Variants in LIN52 observed in about 807,000 individuals in gnomAD.
LIN52 encodes the protein lin-52 DREAM MuvB core complex component, also known as protein lin-52 homolog.
In LIN52, 4 loss-of-function variants were observed where a neutral mutation model predicts 18.5. That is an observed-to-expected ratio of 0.22 (90% CI 0.11 to 0.49). The LOEUF is 0.49. Ranked by LOEUF, LIN52 falls within the 20% of genes least tolerant of loss-of-function variation. LIN52 has a pLI of 0.97. For missense variants in LIN52, 102 were observed against 139.5 expected, an observed-to-expected ratio of 0.73 and a Z score of 1.35; for synonymous variants, 34 against 45.5, an observed-to-expected ratio of 0.75 and a Z score of 1.02.
intron 5 of LIN52, among the ~76,000 whole-genome samples, chr14:74,191,915 G>A (rs1020236699): frequency 3.3e-5 from 5 of 152,022 alleles, no homozygotes; most frequent in African/African-American, 4.8e-5. Flanking sequence ...GATTACAGGC[G>A]TGAGCCACCG....
At chr14:74,153,411 G>A (rs2061185494) in intron 5 of LIN52, among the ~76,000 whole-genome samples, 1 of 152,000 alleles carries the variant, frequency 6.6e-6, no homozygotes, top group African/African-American at 2.4e-5. Context: ...TTTAAAACTG[G>A]TAACTAAATA....
rs1315000657 is a variant in LIN52 at position 74,130,295 on chromosome 14, T to TTTTTTTTTTTTTTTTTTTC, written c.283+29058_283+29059insTTTTTTTTTTTTTTTTTCT. ...ATTTTTTGGTTTTTTTTTTTTTTTTTTGAGACAGTCTCGCTCTTTTGCCAA... is the reference window on the plus strand; with the variant it reads ...ATTTTTTGGTTTTTTTTTTTTTTTTTTTTTTTTTTTTTTTTTTTCTGAGACAGTCTCGCTCTTTTGCCAA... On this transcript the variant is annotated intron_variant, in intron 5 of 5. Transcript: ENST00000555028. 7.6e-3 allele frequency among the ~76,000 whole-genome samples: 1,070 copies of TTTTTTTTTTTTTTTTTTTC among 140,088 alleles called. 49 individuals carry two copies. Among genetic ancestry groups the TTTTTTTTTTTTTTTTTTTC allele is most frequent in the Non-Finnish European group, 0.013 (812 of 64,108 alleles). 91.9% of individuals were successfully genotyped at this position (140,088 alleles called of 152,430 possible).
At chr14:74,113,061 G>T (rs555411711) in intron 5 of LIN52, among the ~76,000 whole-genome samples, 20 of 152,252 alleles carry the variant, frequency 1.3e-4, no homozygotes, top group African/African-American at 4.1e-4. Flanking sequence ...ATAGACAAGG[G>T]AAATGAGTAT....
intron 5 of LIN52, among the ~76,000 whole-genome samples, chr14:74,188,268 G>A (rs973246852): frequency 2.0e-5 from 3 of 151,990 alleles, no homozygotes; most frequent in Non-Finnish European, 4.4e-5. Context: ...ATAACCATGG[G>A]AATGCTTGTG....
At chr14:74,099,720 T>G (rs1450599754) in intron 4 of LIN52, among the ~76,000 whole-genome samples, 1 of 151,884 alleles carries the variant, frequency 6.6e-6, no homozygotes, top group African/African-American at 2.4e-5. Flanking sequence ...GAGTTGCTAG[T>G]GCTGATTGAT....
chr14:74,175,829 T>C (rs539971737), intron 5 of LIN52, among the ~76,000 whole-genome samples: 4 of 152,004 alleles, frequency 2.6e-5, no homozygotes, highest in African/African-American at 9.6e-5. Flanking sequence ...TTTAAAATTG[T>C]TTAGGCCAGG....
At chr14:74,153,137 A>G (rs563816732) in intron 5 of LIN52, among the ~76,000 whole-genome samples, 12 of 152,254 alleles carry the variant, frequency 7.9e-5, no homozygotes, top group African/African-American at 2.9e-4. Context: ...TGTGCTCCTG[A>G]CCTGAGCCTA....
intron 5 of LIN52, among the ~76,000 whole-genome samples, chr14:74,179,479 G>A (rs752477121): frequency 6.6e-6 from 1 of 152,030 alleles, no homozygotes; most frequent in Non-Finnish European, 1.5e-5. Flanking sequence ...CGCCAACATG[G>A]TGAAACCCCA....
chr14:74,113,910 A>T (rs1319252661), intron 5 of LIN52: 1 of 152,328 alleles, frequency 6.6e-6, no homozygotes, highest in African/African-American at 2.4e-5. Context: ...GTGTGTTTAT[A>T]TGTATACTTG....
chr14:74,091,773 C>CAAAAA (rs573705378), intron 2 of LIN52, among the ~76,000 whole-genome samples: 2 of 65,304 alleles, frequency 3.1e-5, no homozygotes, highest in African/African-American at 5.9e-5. Context: ...GACTCTGTCT[C>CAAAAA]AAAAAAAAAA....
intron 5 of LIN52, among the ~76,000 whole-genome samples, chr14:74,157,459 A>ATTTT (rs56310225): frequency 2.8e-4 from 39 of 139,992 alleles, no homozygotes; most frequent in Admixed American, 1.3e-3. Flanking sequence ...ATATATATAT[A>ATTTT]TTTTTTAATT....
chr14:74,149,891 A>G (rs1336156288), intron 5 of LIN52, among the ~76,000 whole-genome samples: 3 of 152,192 alleles, frequency 2.0e-5, no homozygotes, highest in African/African-American at 4.8e-5. Context: ...CATAGTCCTC[A>G]AGGGGGACCA....
intron 5 of LIN52, among the ~76,000 whole-genome samples, chr14:74,152,959 CAAAAAAA>C (rs1189515836): frequency 1.4e-4 from 6 of 41,554 alleles, no homozygotes; most frequent in East Asian, 6.5e-4. Flanking sequence ...GACTCTGTCT[CAAAAAAA>C]AAAAAAAAAA....
intron 2 of LIN52, among the ~76,000 whole-genome samples, chr14:74,094,245 T>C (rs2060792758): frequency 1.3e-5 from 2 of 151,348 alleles, no homozygotes; most frequent in South Asian, 2.1e-4. Context: ...ACTTAAGTTA[T>C]ATCTACTTTG....
chr14:74,176,853 T>C (rs12147601), intron 5 of LIN52, among the ~76,000 whole-genome samples: 118,041 of 152,170 alleles, frequency 0.78, 46,108 homozygotes, highest in Admixed American at 0.81. Context: ...CTCCTCACTC[T>C]CCCAACCTGC....
At chr14:74,138,761 C>T (rs867818869) in intron 5 of LIN52, among the ~76,000 whole-genome samples, 32 of 126,834 alleles carry the variant, frequency 2.5e-4, no homozygotes, top group African/African-American at 8.9e-4. Context: ...CAGAGTGAGA[C>T]CCTGCCTCAA....
In LIN52 at chr14:74,104,699, G is replaced by A. The variant is rs185963291; in HGVS notation, c.283+3461G>A. Among the ~76,000 whole-genome samples the A allele has an allele frequency of 4.3e-4, 64 of 149,688 alleles. 1 individual carries two copies. The highest frequency in any genetic ancestry group is 4.0e-3 in the Admixed American group (59 of 14,706). ...TAAGATTAATAGTTGATGGATTCTA[G>A]ATCTAACTATCAGGAAATAAAAAGG... On this transcript the variant is annotated intron_variant, in intron 5 of 5. Coordinates refer to ENST00000555028, the MANE Select transcript of LIN52 (RefSeq NM_001024674.3).
chr14:74,121,772 G>A (rs1307026582), intron 5 of LIN52, among the ~76,000 whole-genome samples: 5 of 150,276 alleles, frequency 3.3e-5, no homozygotes, highest in Non-Finnish European at 5.9e-5. Flanking sequence ...CACCCAGGCT[G>A]GGGTGCAGTG....
In LIN52 at chr14:74,086,499, CA is replaced by C. The variant is rs555407614; in HGVS notation, c.19+1511del. Among the ~76,000 whole-genome samples the C allele has an allele frequency of 3.9e-5, 6 of 151,900 alleles. No homozygotes were observed. The South Asian group carries it at 1.2e-3, about 32-fold the overall frequency. ...GAAACCCCATCTCTACAAAAAAATA[CA>C]AAAATTATCTGGGTGTGATGCCACA... On this transcript the variant is annotated intron_variant, in intron 1 of 5. Coordinates refer to ENST00000555028, the MANE Select transcript of LIN52 (RefSeq NM_001024674.3).
Sources: allele counts gnomAD v4.1 joint callset (sites outside exome capture counted in the v4.1 genomes callset), GRCh38; gene constraint gnomAD v4.1.1; transcripts MANE v1.5; gene names NCBI Gene and HGNC (gene_info 2026-07-23, HGNC 2026-07-21).